The following KIAA1217 variants were observed in gnomAD, a reference collection of about 807,000 sequenced individuals.
KIAA1217 encodes sickle tail protein homolog.
Under a neutral mutation model 163.9 loss-of-function variants are expected in KIAA1217, and 88 were observed. That is an observed-to-expected ratio of 0.54 (90% CI 0.45 to 0.64). KIAA1217 has a LOEUF of 0.64. KIAA1217 is among the 30% of genes least tolerant of loss of function. KIAA1217 has a pLI of 0.00. For synonymous variants in KIAA1217, 903 were observed against 923.1 expected (o/e 0.98, Z 0.39); for missense variants, 2,372 against 2,475.0 (o/e 0.96, Z 0.88).
intron 1 of KIAA1217, among the ~76,000 whole-genome samples, chr10:23,964,790 C>T (rs972729265): frequency 1.3e-5 from 2 of 151,882 alleles, no homozygotes; most frequent in Non-Finnish European, 2.9e-5. Flanking sequence ...CTCTTGACTT[C>T]GTGATCTGCC....
At chr10:24,029,335 C>T (rs1175821945) in intron 2 of KIAA1217, among the ~76,000 whole-genome samples, 1 of 152,116 alleles carries the variant, frequency 6.6e-6, no homozygotes, top group East Asian at 1.9e-4. Flanking sequence ...GTTTTGTGAA[C>T]ATGAGCCTGC....
intron 1 of KIAA1217, among the ~76,000 whole-genome samples, chr10:23,699,933 G>A (rs780225424): frequency 7.2e-5 from 11 of 152,160 alleles, no homozygotes; most frequent in Non-Finnish European, 1.2e-4. Context: ...ATACTGTTTG[G>A]CACACAATGG....
At chr10:24,236,291 G>T (rs562402787) in intron 2 of KIAA1217, among the ~76,000 whole-genome samples, 2 of 151,436 alleles carry the variant, frequency 1.3e-5, no homozygotes, top group South Asian at 4.2e-4. Flanking sequence ...TGCTCTTGTT[G>T]CCCAGGCTGG....
At chr10:23,725,272 T>C (rs1838074242) in intron 1 of KIAA1217, among the ~76,000 whole-genome samples, 1 of 152,230 alleles carries the variant, frequency 6.6e-6, no homozygotes, top group African/African-American at 2.4e-5. Flanking sequence ...ATTCAGAGTC[T>C]TAATGGAAGT....
rs543923593 is a variant in KIAA1217, at chr10:24,533,349, C to G, written c.3414+112C>G. The G allele has an allele frequency of 1.4e-5, 15 of 1,046,864 alleles. No homozygotes were observed. The East Asian group carries it at 4.0e-4, about 28-fold the overall frequency. 64.8% of individuals were successfully genotyped at this position (1,046,864 alleles called of 1,614,324 possible). The stretch of plus-strand genomic sequence containing the variant: ...GGCCAGGGAAGCGCATGGACCGGGA[C>G]CATAGAAGCTGTGTCTTCTGGCCTT... On this transcript the variant is annotated intron_variant, in intron 16 of 20. Transcript: ENST00000376454.
At chr10:24,392,813 C>T (rs929278248) in intron 3 of KIAA1217, among the ~76,000 whole-genome samples, 1 of 152,196 alleles carries the variant, frequency 6.6e-6, no homozygotes, top group Non-Finnish European at 1.5e-5. Flanking sequence ...GTTACCTGAA[C>T]TGTGTATGAG....
At chr10:24,513,110 G>A (rs2069471830) in intron 9 of KIAA1217, 149 bp from the exon 10 acceptor site, 1 of 744,898 alleles carries the variant, frequency 1.3e-6, no homozygotes. Flanking sequence ...ATTATGTACA[G>A]TCTTTGCTCC....
intron 1 of KIAA1217, among the ~76,000 whole-genome samples, chr10:23,775,500 G>T (rs549063282): frequency 6.6e-6 from 1 of 152,082 alleles, no homozygotes; most frequent in Admixed American, 6.5e-5. Context: ...GTGTGCACCC[G>T]GCACTGAGAA....
At chr10:23,768,527 T>G (rs1211285469) in intron 1 of KIAA1217, among the ~76,000 whole-genome samples, 1 of 152,242 alleles carries the variant, frequency 6.6e-6, no homozygotes, top group Non-Finnish European at 1.5e-5. Context: ...TGTGCTACTC[T>G]TGTCTACTAA....
intron 1 of KIAA1217, among the ~76,000 whole-genome samples, chr10:23,815,356 T>C (rs908953147): frequency 7.2e-5 from 11 of 152,240 alleles, no homozygotes; most frequent in African/African-American, 2.4e-4. Flanking sequence ...TAAAATTTAA[T>C]AATTTAGGCT....
At chr10:24,312,434 GGTAAAA>G (rs2042822897) in intron 2 of KIAA1217, among the ~76,000 whole-genome samples, 1 of 151,870 alleles carries the variant, frequency 6.6e-6, no homozygotes, top group Admixed American at 6.6e-5. Flanking sequence ...TGGGCAAGAT[GGTAAAA>G]CCTCGTCTCT....
chr10:23,892,021 A>G (rs1289434735), intron 1 of KIAA1217, among the ~76,000 whole-genome samples: 1 of 151,976 alleles, frequency 6.6e-6, no homozygotes, highest in African/African-American at 2.4e-5. Flanking sequence ...TCTAAAATTT[A>G]TAACTAATAT....
At chr10:24,167,692 C>G (rs1461756440) in intron 2 of KIAA1217, among the ~76,000 whole-genome samples, 2 of 152,136 alleles carry the variant, frequency 1.3e-5, no homozygotes, top group Non-Finnish European at 2.9e-5. Context: ...CACTACTCCC[C>G]TCCCTCACAC....
intron 3 of KIAA1217, among the ~76,000 whole-genome samples, chr10:24,396,808 C>G (rs1461457256): frequency 6.6e-6 from 1 of 152,214 alleles, no homozygotes; most frequent in Non-Finnish European, 1.5e-5. Context: ...AACAAACACT[C>G]TGGCTCCACT....
intron 16 of KIAA1217, among the ~76,000 whole-genome samples, chr10:24,535,400 T>G (rs2073856522): frequency 6.6e-6 from 1 of 152,224 alleles, no homozygotes; most frequent in South Asian, 2.1e-4. Context: ...CATTATTCTT[T>G]CTGCTGGCAG....
chr10:24,045,542 A>G (rs1848949643), intron 2 of KIAA1217, among the ~76,000 whole-genome samples: 1 of 151,660 alleles, frequency 6.6e-6, no homozygotes, highest in South Asian at 2.1e-4. Context: ...TTAAGCTTTT[A>G]TCTCTTGAGT....
chr10:23,974,559 G>A (rs1479616410), intron 1 of KIAA1217, among the ~76,000 whole-genome samples: 1 of 152,082 alleles, frequency 6.6e-6, no homozygotes, highest in Non-Finnish European at 1.5e-5. Flanking sequence ...CATTTTGGGA[G>A]GCCGAGATGG....
At chr10:23,754,579 AG>A (rs1833826261) in intron 1 of KIAA1217, among the ~76,000 whole-genome samples, 1 of 152,212 alleles carries the variant, frequency 6.6e-6, no homozygotes, top group Non-Finnish European at 1.5e-5. Context: ...ATTCAGGTGC[AG>A]GGCAGTGGAT....
intron 2 of KIAA1217, among the ~76,000 whole-genome samples, chr10:24,040,884 C>T (rs1198016189): frequency 6.6e-6 from 1 of 152,166 alleles, no homozygotes; most frequent in Non-Finnish European, 1.5e-5. Flanking sequence ...GCAGAGTTGT[C>T]ATTTCAGTTG....
Sources: allele counts gnomAD v4.1 joint callset (sites outside exome capture counted in the v4.1 genomes callset), GRCh38; gene constraint gnomAD v4.1.1; transcripts MANE v1.5; gene names NCBI Gene and HGNC (gene_info 2026-07-23, HGNC 2026-07-21).